The following BTAF1 variants were observed in gnomAD, a reference collection of about 807,000 sequenced individuals.
The protein encoded by BTAF1 is TATA-binding protein-associated factor 172.
A neutral mutation model predicts 227.1 loss-of-function variants in BTAF1; 38 were observed. The observed-to-expected ratio is 0.17, with a 90% CI of 0.13 to 0.22. BTAF1 has a LOEUF of 0.22. BTAF1 is among the 10% of genes least tolerant of loss of function. BTAF1 has a pLI of 1.00. For synonymous variants in BTAF1, 742 were observed against 751.9 expected (o/e 0.99, Z 0.21); for missense variants, 1,598 against 2,204.0 (o/e 0.73, Z 5.51).
intron 13 of BTAF1, 71 bp downstream of exon 13, chr10:91,964,272 A>C (rs990812224): frequency 6.7e-7 from 1 of 1,500,718 alleles, no homozygotes; most frequent in South Asian, 1.2e-5. Flanking sequence ...CAGCCTAAAC[A>C]TAACAATATT....
intron 3 of BTAF1, 108 bp from the exon 4 acceptor site, chr10:91,942,298 TTGTGTGTGTGTGTGTG>T (rs58443276): frequency 1.2e-4 from 64 of 546,628 alleles, no homozygotes; most frequent in East Asian, 6.8e-4. Context: ...AAAAAAAAGT[TTGTGTGTGTGTGTGTG>T]TGTGTGTGTG....
chr10:91,958,945 G>T, intron 8 of BTAF1, 120 bp from the exon 9 acceptor site: 1 of 815,690 alleles, frequency 1.2e-6, no homozygotes, highest in East Asian at 2.6e-5. Context: ...TTCTTGTAAA[G>T]TTCCACTTAG....
At position 91,993,834 on chromosome 10, in the gene BTAF1, C is replaced by T. The variant is rs150112786; in HGVS notation, c.3186C>T (p.Asp1062=). ...AMVGPLRNTI[D]INNFDGKSLL... is the part of the protein sequence containing the mutation. ...TTGGCCCATTGAGGAATACAATCGACATAAATAATTTTGGTATACACATAT... is the reference window on the plus strand; with the variant it reads ...TTGGCCCATTGAGGAATACAATCGATATAAATAATTTTGGTATACACATAT... Residue 1062 remains aspartate, a synonymous_variant, in exon 22 of 38, where the codon GAC becomes GAT. Transcript: ENST00000265990. 31 of 1,593,168 alleles carry T rather than the reference C, an allele frequency of 1.9e-5. No individual in the cohort carries two copies. In the African/African-American group the frequency reaches 3.2e-4, roughly 17 times the overall value.
intron 18 of BTAF1, 99 bp from the exon 19 acceptor site, chr10:91,984,102 A>G (rs1180995545): frequency 2.0e-6 from 2 of 1,011,992 alleles, no homozygotes; most frequent in African/African-American, 3.3e-5. Flanking sequence ...ATTCAGTACA[A>G]GTAAGAATTT....
intron 14 of BTAF1, among the ~76,000 whole-genome samples, chr10:91,976,782 A>AT (rs565940759): frequency 2.6e-5 from 4 of 152,220 alleles, no homozygotes; most frequent in African/African-American, 4.8e-5. Flanking sequence ...TTCAACAACT[A>AT]TTTAAGTGCC....
intron 1 of BTAF1, among the ~76,000 whole-genome samples, chr10:91,934,404 T>G (rs528379929): frequency 6.6e-6 from 1 of 151,938 alleles, no homozygotes; most frequent in African/African-American, 2.4e-5. Context: ...ACCTGGCTGA[T>G]TTTTGTATTT....
At chr10:91,935,608 A>C (rs747825672) in intron 1 of BTAF1, 49 bp from the exon 2 acceptor site, 1 of 1,599,070 alleles carries the variant, frequency 6.3e-7, no homozygotes, top group Admixed American at 1.7e-5. Flanking sequence ...AAACTTGTAC[A>C]TACGAGGAAA....
At chr10:91,927,105 A>G (rs1843897942) in intron 1 of BTAF1, among the ~76,000 whole-genome samples, 1 of 150,450 alleles carries the variant, frequency 6.6e-6, no homozygotes, top group Non-Finnish European at 1.5e-5. Context: ...CATCTCAGGT[A>G]TGGCTAGTTC....
intron 9 of BTAF1, 37 bp from the exon 10 acceptor site, chr10:91,959,736 GTGTGTATATATA>G (rs1464750934): frequency 1.7e-4 from 71 of 426,654 alleles, no homozygotes; most frequent in East Asian, 5.0e-4. Context: ...GTGTGTGTGT[GTGTGTATATATA>G]TATATATATA....
chr10:91,997,047 AGCT>A, intron 24 of BTAF1: 1 of 1,164,298 alleles, frequency 8.6e-7, no homozygotes, highest in Non-Finnish European at 1.1e-6. Flanking sequence ...GTATGGCAGC[AGCT>A]AACATTCTTT....
intron 1 of BTAF1, among the ~76,000 whole-genome samples, chr10:91,924,737 C>T (rs1426418747): frequency 6.6e-6 from 1 of 152,130 alleles, no homozygotes; most frequent in Non-Finnish European, 1.5e-5. Context: ...CAGGAAAGCC[C>T]AGGAAAACTA....
At chr10:91,938,101 T>C (rs1844758183) in intron 2 of BTAF1, among the ~76,000 whole-genome samples, 1 of 152,248 alleles carries the variant, frequency 6.6e-6, no homozygotes, top group Non-Finnish European at 1.5e-5. Context: ...ATATCTTCTT[T>C]GGAGAAATGT....
In BTAF1 at chr10:91,997,904, T is replaced by TTTC. The variant is rs1849248405; in HGVS notation, c.3660+155_3660+156insCTT. Among the ~76,000 whole-genome samples, 7 of 151,064 alleles carry TTTC rather than the reference T, an allele frequency of 4.6e-5. No homozygotes were observed. The South Asian group carries it at 1.5e-3, about 32-fold the overall frequency. On this transcript the variant is annotated intron_variant, in intron 25 of 37. Transcript: ENST00000265990. ...TGGGTGGATCATCTGAGGTCAGGAG[T>TTTC]TTGAGTCCAGCCTGGCCAACATGGG...
At chr10:91,967,803 C>A (rs577392212) in intron 14 of BTAF1, among the ~76,000 whole-genome samples, 7 of 152,122 alleles carry the variant, frequency 4.6e-5, no homozygotes, top group African/African-American at 1.7e-4. Flanking sequence ...TTTGTGAATT[C>A]TTAAATTCAT....
intron 18 of BTAF1, 103 bp from the exon 19 acceptor site, chr10:91,984,098 T>G: frequency 2.0e-6 from 2 of 980,868 alleles, no homozygotes; most frequent in Non-Finnish European, 3.0e-6. Flanking sequence ...ATAGATTCAG[T>G]ACAAGTAAGA....
chr10:91,938,268 T>A (rs1229083725), intron 2 of BTAF1, among the ~76,000 whole-genome samples: 2 of 152,224 alleles, frequency 1.3e-5, no homozygotes, highest in African/African-American at 4.8e-5. Flanking sequence ...TATACTCTTC[T>A]ATGAGCTGTC....
At chr10:92,020,111 T>C (rs1470480795) in intron 34 of BTAF1, among the ~76,000 whole-genome samples, 1 of 72,624 alleles carries the variant, frequency 1.4e-5, no homozygotes, top group Non-Finnish European at 3.6e-5. Flanking sequence ...ATCTTTTTAC[T>C]TCTTGATAAT....
At position 91,959,873 on chromosome 10, in the gene BTAF1, C is replaced by A; in HGVS notation, c.1079C>A (p.Ser360Tyr). The A allele has an allele frequency of 6.2e-7, 1 of 1,606,050 alleles. No homozygotes were observed. Among genetic ancestry groups the A allele is most frequent in the Middle Eastern group, 1.7e-4 (1 of 6,016 alleles). Residue 360 changes from serine to tyrosine, a missense_variant, in exon 10 of 38, where the codon TCT becomes TAT. By Grantham distance (144) the Ser-to-Tyr change is moderately radical (BLOSUM62 -2). Coordinates refer to ENST00000265990, the MANE Select transcript of BTAF1 (RefSeq NM_003972.3). ...TTAGACAGATTTGGAGACTTTGTTT[C>A]TGATGAAGTAAGTATCATTTAAGGG... ...FALDRFGDFV[S>Y]DEVVAPVRET...
intron 4 of BTAF1, among the ~76,000 whole-genome samples, 156 bp downstream of exon 4, chr10:91,942,724 T>A (rs1845099094): frequency 6.6e-6 from 1 of 152,144 alleles, no homozygotes; most frequent in Admixed American, 6.5e-5. Context: ...GAATGGGAGG[T>A]AACCCAGCAG....
Sources: allele counts gnomAD v4.1 joint callset (sites outside exome capture counted in the v4.1 genomes callset), GRCh38; gene constraint gnomAD v4.1.1; transcripts MANE v1.5; gene names NCBI Gene and HGNC (gene_info 2026-07-23, HGNC 2026-07-21).